Variants in DIP2C observed in about 807,000 individuals in gnomAD.
DIP2C encodes the protein DIP2 acetate--CoA ligase C (putative).
A neutral mutation model predicts 192.4 loss-of-function variants in DIP2C; 33 were observed. The ratio of observed to expected loss-of-function variants is 0.17; its 90% CI spans 0.13 to 0.23. DIP2C has a LOEUF of 0.23. DIP2C is among the 10% of genes least tolerant of loss of function. The probability of loss-of-function intolerance (pLI) is 1.00; values close to 1 mark genes in which losing one functional copy is unlikely to be tolerated. For missense variants in DIP2C, 1,537 were observed against 2,110.1 expected, an observed-to-expected ratio of 0.73 and a Z score of 5.32; for synonymous variants, 979 against 864.1, an observed-to-expected ratio of 1.13 and a Z score of -2.33.
chr10:585,130 A>AC (rs1374448430), intron 1 of DIP2C, among the ~76,000 whole-genome samples: 2 of 152,246 alleles, frequency 1.3e-5, no homozygotes, highest in Non-Finnish European at 2.9e-5. Context: ...ATGGTAAGGA[A>AC]CAAGGGTACT....
At chr10:370,832 G>A (rs905760698) in intron 17 of DIP2C, among the ~76,000 whole-genome samples, 1 of 152,118 alleles carries the variant, frequency 6.6e-6, no homozygotes, top group Non-Finnish European at 1.5e-5. Context: ...TGAAACTGAA[G>A]ACATAAATGG....
chr10:418,617 G>A lies in DIP2C; in HGVS notation c.739+448C>T, dbSNP rs114853189. ...CAAGTCACCGATATCTCTGTCCAAC[G>A]TGGATAAAAAGACCCTCTTTCCTCC... is the stretch of plus-strand genomic sequence containing the variant. On this transcript the variant is annotated intron_variant, in intron 6 of 36. Transcript: ENST00000280886. 5.2e-3 allele frequency among the ~76,000 whole-genome samples: 799 copies of A among 152,298 alleles called. 2 individuals are homozygous for A. The highest frequency in any genetic ancestry group is 0.013 in the East Asian group (68 of 5,184).
chr10:638,612 G>A (rs1854964962), intron 1 of DIP2C, among the ~76,000 whole-genome samples: 1 of 152,202 alleles, frequency 6.6e-6, no homozygotes, highest in South Asian at 2.1e-4. Flanking sequence ...ACTTGACAAA[G>A]TTTGACTGTG....
rs1564323950 is a variant in DIP2C at position 666,233 on chromosome 10, C to A, written c.85+23261G>T. On this transcript the variant is annotated intron_variant, in intron 1 of 36. Coordinates refer to ENST00000280886, the MANE Select transcript of DIP2C (RefSeq NM_014974.3). This position sits in a 1 kb window ranked among gnomAD's most constrained non-coding sequence, Gnocchi z 4.1. ...ATTCCTTCAGCACCTACCGGGAAAG[C>A]GAGAAGAAAGCAAAGGGCATCACTC... is the stretch of plus-strand genomic sequence containing the variant. 1 of 152,274 alleles carries A rather than the reference C, an allele frequency of 6.6e-6. No homozygotes were observed. Among genetic ancestry groups the A allele is most frequent in the East Asian group, 1.9e-4 (1 of 5,184 alleles). The allele number at this position is 152,274 out of a possible 1,614,324, so 9.4% of individuals were successfully genotyped here.
chr10:425,004 CCAGCGGTGACTAATACGACACGGATGAT>C (rs1477057360), intron 4 of DIP2C, among the ~76,000 whole-genome samples: 3 of 141,376 alleles, frequency 2.1e-5, no homozygotes, highest in African/African-American at 8.0e-5. Context: ...TACAGCATGA[CCAGCGGTGACTAATACGACACGGATGAT>C]ACAGCATGAC....
chr10:671,463 G>A (rs61833033), intron 1 of DIP2C, among the ~76,000 whole-genome samples: 70,102 of 75,906 alleles, frequency 0.92, 33,241 homozygotes, highest in Non-Finnish European at 0.98. Flanking sequence ...CAGACCACAG[G>A]CGCACGGACG....
At chr10:544,155 T>G (rs1393392798) in intron 1 of DIP2C, among the ~76,000 whole-genome samples, 1 of 151,198 alleles carries the variant, frequency 6.6e-6, no homozygotes, top group Non-Finnish European at 1.5e-5. Flanking sequence ...ACCTTTGGTG[T>G]GACCTTTGGT....
chr10:324,670 A>T (rs1311636857), intron 31 of DIP2C: 1 of 213,438 alleles, frequency 4.7e-6, no homozygotes. Context: ...TAGCGGTCAT[A>T]TTGACAGAAT....
chr10:551,567 AGGCT>A (rs1403491535), intron 1 of DIP2C, among the ~76,000 whole-genome samples: 2 of 152,226 alleles, frequency 1.3e-5, no homozygotes, highest in African/African-American at 4.8e-5. Flanking sequence ...CCCTCCTGCC[AGGCT>A]GGCTGTGTCA....
intron 1 of DIP2C, among the ~76,000 whole-genome samples, chr10:530,952 G>A (rs1355826586): frequency 1.3e-5 from 2 of 152,142 alleles, no homozygotes; most frequent in Non-Finnish European, 2.9e-5. Context: ...CCCGATGCCG[G>A]CCGACCAGAC....
intron 3 of DIP2C, among the ~76,000 whole-genome samples, chr10:462,440 C>T (rs539351840): frequency 1.3e-5 from 2 of 152,284 alleles, no homozygotes; most frequent in African/African-American, 4.8e-5. Flanking sequence ...TGGATAAATT[C>T]CAGGACACAT....
chr10:375,303 T>C (rs994947623), intron 17 of DIP2C, among the ~76,000 whole-genome samples: 3 of 152,182 alleles, frequency 2.0e-5, no homozygotes, highest in Non-Finnish European at 4.4e-5. Flanking sequence ...TCTCTCACCA[T>C]GTGACATGCA....
chr10:340,154 C>G (rs1004893117), intron 29 of DIP2C, among the ~76,000 whole-genome samples: 2 of 150,882 alleles, frequency 1.3e-5, no homozygotes, highest in African/African-American at 4.9e-5. Context: ...GCACTTCAGC[C>G]TGGGTGACAG....
intron 1 of DIP2C, among the ~76,000 whole-genome samples, chr10:594,718 C>T (rs1851603442): frequency 6.6e-6 from 1 of 152,096 alleles, no homozygotes; most frequent in Admixed American, 6.5e-5. Context: ...CAGGTCTCGT[C>T]GGCCCCCTCA....
intron 3 of DIP2C, among the ~76,000 whole-genome samples, chr10:463,284 AAGCAACTTC>A (rs1460937347): frequency 1.3e-5 from 2 of 152,224 alleles, no homozygotes; most frequent in Admixed American, 6.5e-5. Context: ...TTAAGCTGAT[AAGCAACTTC>A]AGCAAAGTCT....
At chr10:517,149 G>T (rs1891256) in intron 1 of DIP2C, among the ~76,000 whole-genome samples, 34,875 of 151,680 alleles carry the variant, frequency 0.23, 5,282 homozygotes, top group African/African-American at 0.43. Context: ...GCCCCTCTCC[G>T]CTCCCATCAT....
intron 1 of DIP2C, among the ~76,000 whole-genome samples, chr10:579,081 C>T (rs1437227784): frequency 1.3e-5 from 2 of 152,100 alleles, no homozygotes. Flanking sequence ...GTGCATAGAG[C>T]ATACACACAT....
chr10:295,742 G>A (rs1437074245), intron 32 of DIP2C, among the ~76,000 whole-genome samples: 3 of 151,614 alleles, frequency 2.0e-5, no homozygotes, highest in Non-Finnish European at 4.4e-5. Flanking sequence ...GCAGTATGAA[G>A]GCTCCTTAAA....
chr10:618,279 G>A (rs1395973803), intron 1 of DIP2C, among the ~76,000 whole-genome samples: 1 of 151,970 alleles, frequency 6.6e-6, no homozygotes, highest in Non-Finnish European at 1.5e-5. Flanking sequence ...GTTTTTTTCT[G>A]GCATTAGATG....
Sources: allele counts gnomAD v4.1 joint callset (sites outside exome capture counted in the v4.1 genomes callset), GRCh38; gene constraint gnomAD v4.1.1; non-coding constraint Gnocchi (gnomAD v3.1); transcripts MANE v1.5; gene names NCBI Gene and HGNC (gene_info 2026-07-23, HGNC 2026-07-21).